Variants in ERBB4 observed in about 807,000 individuals in gnomAD.
ERBB4 encodes the protein erb-b2 receptor tyrosine kinase 4, also known as receptor tyrosine-protein kinase erbB-4.
A neutral mutation model predicts 158.0 loss-of-function variants in ERBB4; 42 were observed. That is an observed-to-expected ratio of 0.27 (90% confidence interval 0.21 to 0.34). The LOEUF (loss-of-function observed/expected upper bound fraction) is 0.34, where lower values mean the gene tolerates loss of function less well. ERBB4 is among the 10% of genes least tolerant of loss of function. The pLI, the probability that ERBB4 is intolerant of heterozygous loss-of-function variation, is 1.00. For missense variants in ERBB4, 1,333 were observed against 1,624.1 expected (o/e 0.82, Z 3.08); for synonymous variants, 583 against 558.7 (o/e 1.04, Z -0.61).
chr2:211,773,600 A>G (rs1347444431), intron 4 of ERBB4, among the ~76,000 whole-genome samples: 1 of 8,076 alleles, frequency 1.2e-4, no homozygotes, highest in African/African-American at 1.2e-3. Flanking sequence ...CTGTAACTTT[A>G]TATATATATA....
intron 2 of ERBB4, among the ~76,000 whole-genome samples, chr2:212,095,910 G>A (rs1275107313): frequency 6.7e-6 from 1 of 148,966 alleles, no homozygotes; most frequent in Non-Finnish European, 1.5e-5. Flanking sequence ...ACTCCAGCCT[G>A]GGCAACAGAG....
At chr2:212,301,325 G>C (rs2086614120) in intron 1 of ERBB4, among the ~76,000 whole-genome samples, 1 of 151,164 alleles carries the variant, frequency 6.6e-6, no homozygotes, top group African/African-American at 2.4e-5. Flanking sequence ...AGCATCACAT[G>C]TATTCATTAG....
intron 2 of ERBB4, among the ~76,000 whole-genome samples, chr2:212,093,806 A>G (rs2078849248): frequency 6.6e-6 from 1 of 152,196 alleles, no homozygotes; most frequent in South Asian, 2.1e-4. Context: ...GCTTTTATAT[A>G]ATAAATAGCT....
At chr2:211,733,497 C>T (rs2074497120) in intron 5 of ERBB4, among the ~76,000 whole-genome samples, 2 of 147,004 alleles carry the variant, frequency 1.4e-5, no homozygotes, top group Admixed American at 6.6e-5. Flanking sequence ...TTGAGGTCTG[C>T]ACCTTAAAAT....
chr2:212,413,767 A>G (rs866923989), intron 1 of ERBB4, among the ~76,000 whole-genome samples: 4 of 152,170 alleles, frequency 2.6e-5, no homozygotes, highest in Admixed American at 1.3e-4. Flanking sequence ...ATTTATTTTT[A>G]TATGACATGT....
At chr2:212,363,828 A>C (rs781420050) in intron 1 of ERBB4, among the ~76,000 whole-genome samples, 1 of 151,726 alleles carries the variant, frequency 6.6e-6, no homozygotes, top group Non-Finnish European at 1.5e-5. Context: ...ATACATTTAC[A>C]AAACTTTTAA....
intron 20 of ERBB4, among the ~76,000 whole-genome samples, chr2:211,521,506 C>T (rs2066184754): frequency 6.6e-6 from 1 of 152,116 alleles, no homozygotes; most frequent in African/African-American, 2.4e-5. Flanking sequence ...GCATGTGAAG[C>T]AGCAAGTGCT....
chr2:212,104,714 A>G (rs193073981), intron 2 of ERBB4, among the ~76,000 whole-genome samples: 7 of 152,274 alleles, frequency 4.6e-5, no homozygotes, highest in Admixed American at 3.9e-4. Context: ...ATGCATTTCT[A>G]AAGTCTCACA....
chr2:211,718,786 C>G (rs1320312888), intron 7 of ERBB4, among the ~76,000 whole-genome samples: 1 of 151,648 alleles, frequency 6.6e-6, no homozygotes, highest in Admixed American at 6.6e-5. Flanking sequence ...TTTGGAATAA[C>G]TAGGTATCAG....
intron 1 of ERBB4, among the ~76,000 whole-genome samples, chr2:212,174,218 ACT>A (rs747819590): frequency 3.2e-4 from 49 of 152,148 alleles, no homozygotes; most frequent in African/African-American, 8.7e-4. Flanking sequence ...GGATTTTCAT[ACT>A]CTCTACATTT....
intron 20 of ERBB4, among the ~76,000 whole-genome samples, chr2:211,448,517 C>G (rs925289314): frequency 2.0e-5 from 3 of 151,428 alleles, no homozygotes; most frequent in Non-Finnish European, 4.4e-5. Context: ...TAATGCAATA[C>G]AGATTATAAG....
chr2:211,644,150 T>C (rs2070700957), intron 16 of ERBB4, among the ~76,000 whole-genome samples: 1 of 152,022 alleles, frequency 6.6e-6, no homozygotes, highest in Non-Finnish European at 1.5e-5. Context: ...CAAACCCTCC[T>C]TTCACAGAGG....
intron 1 of ERBB4, among the ~76,000 whole-genome samples, chr2:212,318,422 T>C (rs1351963522): frequency 1.3e-5 from 2 of 151,628 alleles, no homozygotes; most frequent in African/African-American, 4.8e-5. Context: ...TTTATGTCTT[T>C]GATTTCTTTC....
At chr2:211,769,771 T>C (rs1272678242) in intron 4 of ERBB4, among the ~76,000 whole-genome samples, 1 of 152,132 alleles carries the variant, frequency 6.6e-6, no homozygotes, top group Non-Finnish European at 1.5e-5. Context: ...AAGCATTCAG[T>C]GTGGGTGAAA....
chr2:212,444,302 C>T (rs368573360), intron 1 of ERBB4, among the ~76,000 whole-genome samples: 43 of 152,142 alleles, frequency 2.8e-4, no homozygotes, highest in African/African-American at 9.4e-4. Context: ...GAAAATTTTC[C>T]CAGTGGGCAG....
chr2:212,294,482 T>C (rs1353006281), intron 1 of ERBB4, among the ~76,000 whole-genome samples: 4 of 151,990 alleles, frequency 2.6e-5, no homozygotes, highest in South Asian at 2.1e-4. Flanking sequence ...AAAATCAGAG[T>C]AATTATACTG....
intron 1 of ERBB4, among the ~76,000 whole-genome samples, chr2:212,496,455 A>G (rs903314427): frequency 1.2e-4 from 19 of 152,200 alleles, no homozygotes; most frequent in African/African-American, 4.3e-4. Context: ...AAGTATTAAA[A>G]AAGTAGACTC....
At chr2:211,699,247 C>A (rs2073140510) in intron 12 of ERBB4, among the ~76,000 whole-genome samples, 1 of 152,104 alleles carries the variant, frequency 6.6e-6, no homozygotes, top group Admixed American at 6.6e-5. Flanking sequence ...GTATGTGGAA[C>A]TACATACAGA....
chr2:211,986,936 G>A (rs567219908), intron 2 of ERBB4, among the ~76,000 whole-genome samples: 1 of 152,198 alleles, frequency 6.6e-6, no homozygotes, highest in African/African-American at 2.4e-5. Flanking sequence ...TTTTAACAAA[G>A]ATTCCAAGAA....
Sources: gnomAD v4.1 joint callset for allele counts (sites outside exome capture counted in the v4.1 genomes callset) on GRCh38, gnomAD v4.1.1 for gene constraint, MANE v1.5 for transcripts, NCBI Gene and HGNC (gene_info 2026-07-23, HGNC 2026-07-21) for gene names.